RANBP17: variants seen among roughly 807,000 people sequenced by gnomAD.
RANBP17 encodes the protein RAN binding protein 17.
Under a neutral mutation model 141.2 loss-of-function variants are expected in RANBP17, and 158 were observed. The observed-to-expected ratio is 1.12, with a 90% CI of 0.98 to 1.28. RANBP17 has a LOEUF of 1.28. RANBP17 is among the 50% of genes most tolerant of loss of function. The probability of loss-of-function intolerance (pLI) is 0.00; values close to 1 mark genes in which losing one functional copy is unlikely to be tolerated. For missense variants in RANBP17, 1,438 were observed against 1,290.7 expected (o/e 1.11, Z -1.75); for synonymous variants, 430 against 450.0 (o/e 0.96, Z 0.56).
chr5:171,068,867 G>C (rs1784468472), intron 14 of RANBP17, among the ~76,000 whole-genome samples: 1 of 152,164 alleles, frequency 6.6e-6, no homozygotes, highest in Admixed American at 6.5e-5. Context: ...ATTATAGGCA[G>C]TGAGCCACCA....
At chr5:171,150,010 G>A (rs373034926) in intron 14 of RANBP17, among the ~76,000 whole-genome samples, 2 of 152,318 alleles carry the variant, frequency 1.3e-5, no homozygotes, top group African/African-American at 4.8e-5. Context: ...GGAACCAGCA[G>A]CATTGGCAAA....
chr5:171,175,758 A>G (rs1040176207), intron 16 of RANBP17, among the ~76,000 whole-genome samples: 2 of 151,856 alleles, frequency 1.3e-5, no homozygotes, highest in African/African-American at 4.8e-5. Flanking sequence ...TTAAAATCAG[A>G]CTCTATAAGA....
At chr5:170,966,044 A>G (rs549167021) in intron 13 of RANBP17, among the ~76,000 whole-genome samples, 2 of 152,210 alleles carry the variant, frequency 1.3e-5, no homozygotes, top group East Asian at 3.9e-4. Flanking sequence ...AATTGTGGCA[A>G]TAATCAATAG....
At chr5:171,183,672 G>T (rs1233762883) in intron 18 of RANBP17, among the ~76,000 whole-genome samples, 2 of 152,154 alleles carry the variant, frequency 1.3e-5, no homozygotes, top group Non-Finnish European at 2.9e-5. Context: ...TTACCTCACA[G>T]CTTACTTTCT....
intron 20 of RANBP17, among the ~76,000 whole-genome samples, chr5:171,210,658 T>G (rs1762824513): frequency 6.6e-6 from 1 of 152,144 alleles, no homozygotes; most frequent in African/African-American, 2.4e-5. Context: ...ACTCAAAGCA[T>G]CCCTATTATA....
intron 25 of RANBP17, among the ~76,000 whole-genome samples, chr5:171,290,226 G>A (rs901205213): frequency 3.3e-5 from 5 of 151,468 alleles, no homozygotes; most frequent in Non-Finnish European, 7.4e-5. Context: ...AAAATTAGCC[G>A]GGCGTGGTGG....
At chr5:170,869,913 C>G (rs764911039) in intron 1 of RANBP17, among the ~76,000 whole-genome samples, 4 of 152,170 alleles carry the variant, frequency 2.6e-5, no homozygotes, top group Non-Finnish European at 4.4e-5. Flanking sequence ...TTACATGACA[C>G]TAACTCTTAA....
chr5:171,005,872 T>G (rs1055091080), intron 14 of RANBP17, among the ~76,000 whole-genome samples: 2 of 152,106 alleles, frequency 1.3e-5, no homozygotes, highest in Admixed American at 1.3e-4. Context: ...ATCCAGAATC[T>G]ACAATGAACT....
At position 171,015,984 on chromosome 5, in the gene RANBP17, C is replaced by G. The variant is rs1169978595; in HGVS notation, c.1710+47607C>G. ...CTCACATGCATGTGTTGATTGATCC[C>G]CTTCACATCTCTAGACTTCTCATTG... is the stretch of plus-strand genomic sequence containing the variant. On this transcript the variant is annotated intron_variant, in intron 14 of 27. Coordinates refer to ENST00000523189, the MANE Select transcript of RANBP17 (RefSeq NM_022897.5). Among the ~76,000 whole-genome samples the G allele has an allele frequency of 2.0e-5, 3 of 152,142 alleles. No homozygotes were observed. In the South Asian group the frequency reaches 6.2e-4, roughly 32 times the overall value.
At chr5:171,197,318 A>T (rs905163699) in intron 18 of RANBP17, among the ~76,000 whole-genome samples, 1 of 152,184 alleles carries the variant, frequency 6.6e-6, no homozygotes, top group African/African-American at 2.4e-5. Context: ...TTTATTGAGC[A>T]TCTTCTGTTT....
At chr5:171,144,082 T>C (rs1248950220) in intron 14 of RANBP17, among the ~76,000 whole-genome samples, 4 of 152,112 alleles carry the variant, frequency 2.6e-5, no homozygotes, top group Non-Finnish European at 2.9e-5. Flanking sequence ...TAGGCTGCCG[T>C]CTGGGCGTGG....
chr5:171,149,858 T>C lies in RANBP17; in HGVS notation c.1711-20272T>C, dbSNP rs543674910. 4.0e-3 allele frequency among the ~76,000 whole-genome samples: 610 copies of C among 152,344 alleles called. 4 individuals carry two copies. Among genetic ancestry groups the C allele is most frequent in the African/African-American group, 0.014 (587 of 41,582 alleles). The stretch of plus-strand genomic sequence containing the variant: ...AGAAACCTCAAAGAAGAGGAAATCC[T>C]ATTTTAAAATAACAGCGATCTCCTC... On this transcript the variant is annotated intron_variant, in intron 14 of 27. Coordinates refer to ENST00000523189, the MANE Select transcript of RANBP17 (RefSeq NM_022897.5).
At chr5:171,097,644 AT>A (rs1561651343) in intron 14 of RANBP17, among the ~76,000 whole-genome samples, 334 of 146,072 alleles carry the variant, frequency 2.3e-3, no homozygotes, top group African/African-American at 7.8e-3. Flanking sequence ...TATTATTATT[AT>A]TATTATTATA....
intron 18 of RANBP17, among the ~76,000 whole-genome samples, chr5:171,186,656 C>G (rs1421086345): frequency 1.4e-5 from 2 of 144,294 alleles, no homozygotes; most frequent in Non-Finnish European, 3.0e-5. Flanking sequence ...CCTGCCTCAG[C>G]CTCCCAAGTA....
intron 14 of RANBP17, among the ~76,000 whole-genome samples, chr5:171,039,234 T>A (rs1598811): frequency 0.76 from 111,390 of 147,504 alleles, 42,307 homozygotes; most frequent in South Asian, 0.91. Flanking sequence ...CCTTGCTAGC[T>A]TCTGTTGTTG....
intron 14 of RANBP17, among the ~76,000 whole-genome samples, chr5:170,981,343 A>G (rs776860572): frequency 1.3e-5 from 2 of 152,224 alleles, no homozygotes; most frequent in South Asian, 4.2e-4. Context: ...AGGACATGAG[A>G]TTTGGAAGGG....
Position 170,910,968 on chromosome 5 carries a change from G to C in RANBP17, c.595-1G>C, listed in dbSNP as rs760737405. On this transcript the variant is annotated splice_acceptor_variant, in intron 6 of 27. Transcript: ENST00000523189. LOFTEE classifies it high-confidence loss of function. ...TTTCTTTGATTTTGTACTTTTTTCA[G>C]GTGTTTGCCAAACCTTTAAATCTTC... 2.6e-5 allele frequency: 42 copies of C among 1,608,948 alleles called. No homozygotes were observed. The highest frequency in any genetic ancestry group is 3.1e-5 in the Non-Finnish European group (37 of 1,177,686).
chr5:171,052,142 C>A (rs1448351407), intron 14 of RANBP17, among the ~76,000 whole-genome samples: 1 of 152,050 alleles, frequency 6.6e-6, no homozygotes, highest in African/African-American at 2.4e-5. Context: ...TTTATACATT[C>A]TGGATATGAA....
chr5:171,215,335 C>T (rs1389000139), intron 21 of RANBP17, among the ~76,000 whole-genome samples: 6 of 151,916 alleles, frequency 3.9e-5, no homozygotes, highest in African/African-American at 7.3e-5. Context: ...TTCCAATCTT[C>T]GCTATTGCAA....
Sources: allele counts gnomAD v4.1 joint callset (sites outside exome capture counted in the v4.1 genomes callset), GRCh38; gene constraint gnomAD v4.1.1; transcripts MANE v1.5; gene names NCBI Gene and HGNC (gene_info 2026-07-23, HGNC 2026-07-21).